The following PIKFYVE variants were observed in gnomAD, a reference collection of about 807,000 sequenced individuals.
PIKFYVE encodes 1-phosphatidylinositol 3-phosphate 5-kinase.
PIKFYVE carries 122 observed loss-of-function variants against 257.9 expected under a neutral mutation model. That is an observed-to-expected ratio of 0.47 (90% CI 0.41 to 0.55). PIKFYVE has a LOEUF of 0.55. Among genes scored for constraint, PIKFYVE ranks in the 20% least tolerant of loss-of-function variants. The pLI is 0.00. For missense variants in PIKFYVE, 2,160 were observed against 2,536.6 expected (o/e 0.85, Z 3.19); for synonymous variants, 892 against 868.9 (o/e 1.03, Z -0.47).
At chr2:208,321,777 A>G (rs976558823) in intron 17 of PIKFYVE, among the ~76,000 whole-genome samples, 11 of 152,018 alleles carry the variant, frequency 7.2e-5, no homozygotes, top group African/African-American at 2.4e-4. Context: ...ACGGGGTTTC[A>G]TCATGTTGGC....
At chr2:208,294,874 T>G (rs1692766272) in intron 7 of PIKFYVE, among the ~76,000 whole-genome samples, 1 of 152,202 alleles carries the variant, frequency 6.6e-6, no homozygotes, top group Non-Finnish European at 1.5e-5. Flanking sequence ...ATTCTCTCCC[T>G]CTGCTGGAAG....
chr2:208,348,599 A>AGT (rs35997291), intron 35 of PIKFYVE, among the ~76,000 whole-genome samples: 11,216 of 128,840 alleles, frequency 0.087, 506 homozygotes, highest in African/African-American at 0.13. Context: ...AAAAAAAAAA[A>AGT]GTGTGTGTGT....
intron 1 of PIKFYVE, among the ~76,000 whole-genome samples, chr2:208,268,045 G>A (rs573858119): frequency 6.6e-6 from 1 of 152,296 alleles, no homozygotes; most frequent in South Asian, 2.1e-4. Context: ...GCTTTGGGTA[G>A]GTAGGTTAAT....
chr2:208,326,910 T>C (rs1696991744), intron 20 of PIKFYVE, among the ~76,000 whole-genome samples: 1 of 152,196 alleles, frequency 6.6e-6, no homozygotes, highest in African/African-American at 2.4e-5. Context: ...AGTGATCTTT[T>C]TCTTTTTAGG....
rs1487573966 is a variant in PIKFYVE, at chr2:208,325,483, C to T, written c.2672C>T (p.Ser891Phe). ...PTLMQNPSFH[S>F]LIEGRGHEGA... ...TTAATGCAAAACCCTTCATTCCATT[C>T]CCTGATTGAGGGACGAGGGCATGAG... Residue 891 changes from serine (S) to phenylalanine (F), a missense_variant, in exon 20 of 42, where the codon TCC becomes TTC. Physicochemically the swap from Ser to Phe is radical, Grantham distance 155. This residue lies in a region of PIKFYVE where 522 missense variants were observed against 514.6 expected (regional missense o/e 1.01). Transcript: ENST00000264380. 1.2e-6 allele frequency: 2 copies of T among 1,614,174 alleles called. No individual in the cohort carries two copies. Among genetic ancestry groups the T allele is most frequent in the Non-Finnish European group, 1.7e-6 (2 of 1,180,022 alleles).
intron 30 of PIKFYVE, 149 bp from the exon 31 acceptor site, chr2:208,339,862 T>C: frequency 1.0e-6 from 1 of 963,646 alleles, no homozygotes; most frequent in South Asian, 1.7e-5. Flanking sequence ...TATCCCATAG[T>C]GGTCTTTTCC....
intron 5 of PIKFYVE, among the ~76,000 whole-genome samples, chr2:208,277,958 A>G (rs1690322508): frequency 6.6e-6 from 1 of 152,228 alleles, no homozygotes; most frequent in African/African-American, 2.4e-5. Flanking sequence ...TAGGAACATT[A>G]AAATTTATTA....
At chr2:208,310,781 A>C (rs566246468) in intron 12 of PIKFYVE, among the ~76,000 whole-genome samples, 89 of 152,340 alleles carry the variant, frequency 5.8e-4, no homozygotes, top group African/African-American at 2.1e-3. Flanking sequence ...GAATGAAGAG[A>C]TACAGGAACC....
intron 7 of PIKFYVE, among the ~76,000 whole-genome samples, chr2:208,294,225 A>C (rs1574487674): frequency 6.6e-6 from 1 of 152,064 alleles, no homozygotes; most frequent in Non-Finnish European, 1.5e-5. Flanking sequence ...ACTCTTCTTT[A>C]ATGTTATGGT....
chr2:208,305,162 A>G (rs1694174899), intron 12 of PIKFYVE, 149 bp downstream of exon 12: 6 of 1,535,432 alleles, frequency 3.9e-6, no homozygotes, highest in Non-Finnish European at 5.3e-6. Context: ...CATTTCTCCC[A>G]CACCTCCTCC....
chr2:208,304,839 C>T lies in PIKFYVE; in HGVS notation c.1469-7C>T, dbSNP rs750096049. ...CTATATTTCTTTCCCCTTCCCAACA[C>T]TAAAAGATTCTGCCAGTCCTAGCAA... On this transcript the variant is annotated splice_region_variant and splice_polypyrimidine_tract_variant and intron_variant, in intron 11 of 41. Coordinates refer to ENST00000264380, the MANE Select transcript of PIKFYVE (RefSeq NM_015040.4). 1 of 1,613,546 alleles carries T rather than the reference C, an allele frequency of 6.2e-7. No individual in the cohort carries two copies. The highest frequency in any genetic ancestry group is 1.3e-5 in the African/African-American group (1 of 75,020).
At chr2:208,340,235 T>C in intron 31 of PIKFYVE, 104 bp downstream of exon 31, 2 of 1,401,892 alleles carry the variant, frequency 1.4e-6, no homozygotes, top group South Asian at 2.5e-5. Flanking sequence ...TTTTCAATCC[T>C]AAATTTTATT....
At chr2:208,328,543 C>G (rs1330546770) in intron 21 of PIKFYVE, among the ~76,000 whole-genome samples, 4 of 152,102 alleles carry the variant, frequency 2.6e-5, no homozygotes, top group African/African-American at 9.7e-5. Flanking sequence ...TTGACTTTCC[C>G]TTATCTGAAA....
At position 208,314,322 on chromosome 2, in the gene PIKFYVE, A is replaced by G. The variant is rs1160465213; in HGVS notation, c.1725A>G (p.Glu575=). Residue 575 remains glutamate (E), a synonymous_variant, in exon 14 of 42, where the codon GAA becomes GAG. Coordinates refer to ENST00000264380, the MANE Select transcript of PIKFYVE (RefSeq NM_015040.4). ...CCTTATTTAATCGCCGAGTAGAGGA[A>G]AAATCCAAAGAGCTGCCTTTCACAC... The part of the protein sequence containing the change: ...KESLFNRRVE[E]KSKELPFTPL... 3.1e-6 allele frequency: 5 copies of G among 1,613,694 alleles called. No individual in the cohort carries two copies. The highest frequency in any genetic ancestry group is 2.7e-5 in the African/African-American group (2 of 74,924).
chr2:208,283,546 A>G (rs959948643), intron 5 of PIKFYVE, among the ~76,000 whole-genome samples: 2 of 152,046 alleles, frequency 1.3e-5, no homozygotes, highest in African/African-American at 4.8e-5. Context: ...TAGTAAATTG[A>G]AAGTCTTTCT....
intron 7 of PIKFYVE, 68 bp from the exon 8 acceptor site, chr2:208,298,573 T>TTC: frequency 6.4e-7 from 1 of 1,558,622 alleles, no homozygotes; most frequent in South Asian, 1.1e-5. Context: ...AAAATGAATT[T>TTC]TCTCTGTAAT....
At position 208,335,935 on chromosome 2, in the gene PIKFYVE, T is replaced by A. The variant is rs372070916; in HGVS notation, c.4365+34T>A. The A allele has an allele frequency of 6.2e-5, 98 of 1,582,858 alleles. No individual in the cohort carries two copies. In the African/African-American group the frequency reaches 1.2e-3, roughly 20 times the overall value. ...TTTCTTTGGTAGAAAATTCAAAAGT[T>A]AATTATTGATTAAAAATTATTGATT... On this transcript the variant is annotated intron_variant, in intron 26 of 41. Coordinates refer to ENST00000264380, the MANE Select transcript of PIKFYVE (RefSeq NM_015040.4).
At chr2:208,348,075 T>G (rs1317930048) in intron 35 of PIKFYVE, 52 bp downstream of exon 35, 1 of 1,590,840 alleles carries the variant, frequency 6.3e-7, no homozygotes, top group Middle Eastern at 1.7e-4. Flanking sequence ...TTTATTTATT[T>G]TAGTTGCATA....
At chr2:208,318,153 A>G (rs542603138) in intron 16 of PIKFYVE, among the ~76,000 whole-genome samples, 84 of 152,338 alleles carry the variant, frequency 5.5e-4, no homozygotes, top group African/African-American at 1.9e-3. Flanking sequence ...TTCACCAGAC[A>G]GAAGGAGGAA....
Sources: gnomAD v4.1 joint callset for allele counts (sites outside exome capture counted in the v4.1 genomes callset) on GRCh38, gnomAD v4.1.1 for gene constraint, gnomAD v4.1.1 regional missense constraint, MANE v1.5 for transcripts, NCBI Gene and HGNC (gene_info 2026-07-23, HGNC 2026-07-21) for gene names.